Variants in NTRK3 observed in about 807,000 individuals in gnomAD.
The protein encoded by NTRK3 is neurotrophic receptor tyrosine kinase 3, also known as NT-3 growth factor receptor.
NTRK3 carries 24 observed loss-of-function variants against 91.7 expected under a neutral mutation model. The ratio of observed to expected loss-of-function variants is 0.26; its 90% CI spans 0.19 to 0.37. NTRK3 has a LOEUF of 0.37. NTRK3 is among the 10% of genes least tolerant of loss of function. The pLI is 1.00. For synonymous variants in NTRK3, 483 were observed against 404.0 expected (o/e 1.20, Z -2.34); for missense variants, 880 against 1,068.9 (o/e 0.82, Z 2.46).
intron 14 of NTRK3, among the ~76,000 whole-genome samples, chr15:88,001,256 A>T (rs1041019132): frequency 5.3e-5 from 8 of 152,094 alleles, no homozygotes; most frequent in Admixed American, 5.2e-4. Flanking sequence ...ATCAGATATG[A>T]TTTACAAATA....
intron 13 of NTRK3, among the ~76,000 whole-genome samples, chr15:88,094,438 C>T (rs1048856705): frequency 2.8e-5 from 4 of 141,296 alleles, no homozygotes; most frequent in African/African-American, 5.4e-5. Context: ...CACTGCAGTC[C>T]GCAGTCCCGA....
intron 3 of NTRK3, among the ~76,000 whole-genome samples, chr15:88,231,069 G>A (rs574745488): frequency 1.7e-4 from 26 of 152,296 alleles, no homozygotes; most frequent in Admixed American, 1.6e-3. Flanking sequence ...TCTTGCTCCA[G>A]ACCATTTCTA....
At chr15:87,911,713 G>T (rs1467151702) in intron 17 of NTRK3, among the ~76,000 whole-genome samples, 1 of 152,162 alleles carries the variant, frequency 6.6e-6, no homozygotes, top group African/African-American at 2.4e-5. Context: ...ATCTCTGATT[G>T]TTCCAAATTA....
intron 14 of NTRK3, among the ~76,000 whole-genome samples, chr15:87,960,158 C>T (rs1047125394): frequency 6.6e-6 from 1 of 152,190 alleles, no homozygotes; most frequent in Non-Finnish European, 1.5e-5. Context: ...CCTCCTCGAA[C>T]AAGACTAATC....
In NTRK3 at chr15:88,181,787, C is replaced by T. The variant is rs78899119; in HGVS notation, c.395+1631G>A. Among the ~76,000 whole-genome samples, 27 of 152,334 alleles carry T rather than the reference C, an allele frequency of 1.8e-4. No homozygotes were observed. The East Asian group carries it at 3.7e-3, about 21-fold the overall frequency. ...CTGACCACACCAGGCCCCACCTCCA[C>T]GTGGCATCACTCAGCTGGAACTGAT... On this transcript the variant is annotated intron_variant, in intron 5 of 18. Transcript: ENST00000394480.
At chr15:87,932,831 G>A (rs538395338) in intron 16 of NTRK3, among the ~76,000 whole-genome samples, 181 bp downstream of exon 16, 39 of 152,092 alleles carry the variant, frequency 2.6e-4, no homozygotes, top group Non-Finnish European at 4.9e-4. Flanking sequence ...CCTACAAACC[G>A]GGGACAAAGG....
chr15:88,007,077 G>T (rs2076545355), intron 14 of NTRK3, among the ~76,000 whole-genome samples: 1 of 152,178 alleles, frequency 6.6e-6, no homozygotes, highest in South Asian at 2.1e-4. Context: ...CCTAGCGTGA[G>T]GAGAGACATG....
At chr15:88,161,866 G>A (rs761062020) in intron 5 of NTRK3, among the ~76,000 whole-genome samples, 3 of 152,138 alleles carry the variant, frequency 2.0e-5, no homozygotes, top group Admixed American at 2.0e-4. Flanking sequence ...CTGGGGGGCT[G>A]GGCATATTCA....
At chr15:87,961,051 T>A (rs963183300) in intron 14 of NTRK3, among the ~76,000 whole-genome samples, 3 of 151,576 alleles carry the variant, frequency 2.0e-5, no homozygotes, top group African/African-American at 7.2e-5. Flanking sequence ...GAAGTTTAAA[T>A]CCTTCACAGT....
At chr15:87,960,146 T>A (rs1247297874) in intron 14 of NTRK3, among the ~76,000 whole-genome samples, 1 of 152,090 alleles carries the variant, frequency 6.6e-6, no homozygotes, top group Non-Finnish European at 1.5e-5. Flanking sequence ...CTTGTTTGGG[T>A]CCCTCCTCGA....
chr15:88,107,016 A>C (rs1349420371), intron 13 of NTRK3, among the ~76,000 whole-genome samples: 1 of 151,518 alleles, frequency 6.6e-6, no homozygotes. Flanking sequence ...GCATATGTAC[A>C]TATATACATT....
chr15:87,908,728 G>A (rs543326372), intron 17 of NTRK3, among the ~76,000 whole-genome samples: 3 of 152,306 alleles, frequency 2.0e-5, no homozygotes, highest in African/African-American at 7.2e-5. Flanking sequence ...CATTTGTCCT[G>A]CATCATTAGG....
chr15:88,053,685 A>G (rs1286569084), intron 13 of NTRK3, among the ~76,000 whole-genome samples: 1 of 152,208 alleles, frequency 6.6e-6, no homozygotes, highest in Non-Finnish European at 1.5e-5. Context: ...TACTTGACAA[A>G]GATTCTAAGG....
intron 14 of NTRK3, among the ~76,000 whole-genome samples, chr15:88,029,211 TC>T (rs1286736250): frequency 6.6e-6 from 1 of 152,186 alleles, no homozygotes; most frequent in East Asian, 1.9e-4. Context: ...GCATCTTTAT[TC>T]CGCTCTTTCG....
intron 17 of NTRK3, among the ~76,000 whole-genome samples, chr15:87,881,308 C>A (rs2065230483): frequency 6.6e-6 from 1 of 152,190 alleles, no homozygotes; most frequent in Admixed American, 6.5e-5. Context: ...TTGCCTAATA[C>A]ATGGAACTCA....
At chr15:88,024,770 G>A (rs1473486297) in intron 14 of NTRK3, among the ~76,000 whole-genome samples, 1 of 151,836 alleles carries the variant, frequency 6.6e-6, no homozygotes, top group Non-Finnish European at 1.5e-5. Flanking sequence ...AAAAGAATTA[G>A]GATGCCTGGA....
intron 13 of NTRK3, among the ~76,000 whole-genome samples, chr15:88,105,339 C>T (rs1430413413): frequency 6.6e-6 from 1 of 152,132 alleles, no homozygotes; most frequent in Non-Finnish European, 1.5e-5. Context: ...CAAGGAAGGC[C>T]CAAGGACCTA....
rs80116568 is a variant in NTRK3 at position 88,089,563 on chromosome 15, A to G, written c.1396+36708T>C. On this transcript the variant is annotated intron_variant, in intron 13 of 18. Transcript: ENST00000394480. ...AAGACATGGGGGAAATGTCTATGAC[A>G]TATTAATAAGTAGCAAAAGTAGTTT... Among the ~76,000 whole-genome samples, 1,223 of 152,358 alleles carry G rather than the reference A, an allele frequency of 8.0e-3. 12 individuals are homozygous for G. The highest frequency in any genetic ancestry group is 0.028 in the African/African-American group (1,160 of 41,586).
chr15:87,899,331 CT>C (rs1279897112), intron 17 of NTRK3, among the ~76,000 whole-genome samples: 2 of 152,104 alleles, frequency 1.3e-5, no homozygotes, highest in Non-Finnish European at 2.9e-5. Context: ...TAAGTCTTTG[CT>C]GGTTTGTGCT....
Sources: allele counts gnomAD v4.1 joint callset (sites outside exome capture counted in the v4.1 genomes callset), GRCh38; gene constraint gnomAD v4.1.1; transcripts MANE v1.5; gene names NCBI Gene and HGNC (gene_info 2026-07-23, HGNC 2026-07-21).